USP16: variants seen among roughly 807,000 people sequenced by gnomAD.
The protein encoded by USP16 is ubiquitin specific peptidase 16, also known as ubiquitin carboxyl-terminal hydrolase 16.
Under a neutral mutation model 95.9 loss-of-function variants are expected in USP16, and 77 were observed. The ratio of observed to expected loss-of-function variants is 0.80; its 90% CI spans 0.67 to 0.97. The LOEUF is 0.97. Ranked by LOEUF, USP16 falls within the 50% of genes least tolerant of loss-of-function variation. USP16 has a pLI of 0.00. For synonymous variants in USP16, 303 were observed against 318.2 expected, an observed-to-expected ratio of 0.95 and a Z score of 0.51; for missense variants, 943 against 959.9, an observed-to-expected ratio of 0.98 and a Z score of 0.23.
chr21:29,047,266 G>A lies in USP16; in HGVS notation c.1956G>A (p.Leu652=), dbSNP rs143073929. ...RNEKLRDANK[L]LCEVCTRRQC... Reference sequence around the variant, plus strand: ...AGAAACTTCGAGATGCGAATAAACTGCTTTGTGAAGTATGCACACGGAGAC... The same window carrying A: ...AGAAACTTCGAGATGCGAATAAACTACTTTGTGAAGTATGCACACGGAGAC... The change falls in exon 14 of 18, where the codon CTG becomes CTA. Residue 652 remains leucine, a synonymous_variant. Coordinates refer to ENST00000399976, the MANE Select transcript of USP16 (RefSeq NM_006447.3). The A allele has an allele frequency of 2.5e-6, 4 of 1,613,972 alleles. No homozygotes were observed. The highest frequency in any genetic ancestry group is 3.4e-6 in the Non-Finnish European group (4 of 1,180,010).
chr21:29,053,752 C>T lies in USP16; in HGVS notation c.2194-50C>T, dbSNP rs746175862. On this transcript the variant is annotated intron_variant, in intron 16 of 17. Transcript: ENST00000399976. Reference sequence around the variant, plus strand: ...TGTAAACTTGTCTTGCCCATGACATCTGTGTAAATGGAACTAGAACTAACT... The same window carrying T: ...TGTAAACTTGTCTTGCCCATGACATTTGTGTAAATGGAACTAGAACTAACT... 7 of 1,577,112 alleles carry T rather than the reference C, an allele frequency of 4.4e-6. No individual in the cohort carries two copies. The African/African-American group carries it at 8.1e-5, about 18-fold the overall frequency.
intron 3 of USP16, among the ~76,000 whole-genome samples, chr21:29,033,087 G>T (rs1321049407): frequency 2.0e-5 from 3 of 152,022 alleles, no homozygotes; most frequent in Non-Finnish European, 2.9e-5. Context: ...AATACATATG[G>T]TGAGTATGAA....
At position 29,043,650 on chromosome 21, in the gene USP16, AT is replaced by A. The variant is rs1261634434; in HGVS notation, c.1356+53del. ...TGCTTGTAATTTTATATTTTGAGCTATTGAGTTTGTAGTCTGAATGACATTG... is the reference window on the plus strand; with the variant it reads ...TGCTTGTAATTTTATATTTTGAGCTATGAGTTTGTAGTCTGAATGACATTG... On this transcript the variant is annotated intron_variant, in intron 13 of 17. Coordinates refer to ENST00000399976, the MANE Select transcript of USP16 (RefSeq NM_006447.3). 4.2e-6 allele frequency: 6 copies of A among 1,436,698 alleles called. No homozygotes were observed. In the African/African-American group the frequency reaches 8.7e-5, roughly 21 times the overall value. 89.0% of individuals were successfully genotyped at this position (1,436,698 alleles called of 1,614,324 possible).
rs1267470112 is a variant in USP16, at chr21:29,039,542, G to GATGGGATGAGAGC, written c.927_939dup (p.Glu314TrpfsTer12). On this transcript the variant is annotated frameshift_variant, in exon 9 of 18. Coordinates refer to ENST00000399976, the MANE Select transcript of USP16 (RefSeq NM_006447.3). LOFTEE classifies it high-confidence loss of function. ...CCAGGAGCTGCTTCGCTACTTATTG[G>GATGGGATGAGAGC]ATGGGATGAGAGCAGAAGAACACCA... 6.2e-7 allele frequency: 1 copy of GATGGGATGAGAGC among 1,613,194 alleles called. No individual in the cohort carries two copies. Among genetic ancestry groups the GATGGGATGAGAGC allele is most frequent in the Admixed American group, 1.7e-5 (1 of 60,000 alleles).
intron 2 of USP16, 93 bp downstream of exon 2, chr21:29,028,067 T>C (rs1026648504): frequency 2.0e-5 from 18 of 913,134 alleles, no homozygotes; most frequent in South Asian, 3.1e-5. Flanking sequence ...ATTATTGTTA[T>C]ATTATCTGCA....
chr21:29,041,620 T>C (rs574785103), intron 10 of USP16, among the ~76,000 whole-genome samples: 36 of 152,266 alleles, frequency 2.4e-4, no homozygotes, highest in African/African-American at 7.2e-4. Context: ...TTATCAGTCT[T>C]GAATGTTAGA....
At chr21:29,039,411 G>A (rs1231351634) in intron 8 of USP16, 70 bp from the exon 9 acceptor site, 16 of 1,523,242 alleles carry the variant, frequency 1.1e-5, no homozygotes, top group Non-Finnish European at 1.4e-5. Flanking sequence ...ATGATCCTAA[G>A]ATTTTCTAAA....
intron 12 of USP16, 50 bp from the exon 13 acceptor site, chr21:29,043,373 A>G (rs901941064): frequency 7.8e-7 from 1 of 1,277,874 alleles, no homozygotes; most frequent in Non-Finnish European, 1.0e-6. Context: ...TTTTTCACCA[A>G]ATGGTAGTTG....
intron 16 of USP16, chr21:29,052,280 AAAGATATACTGGAC>A (rs1405206257): frequency 1.3e-5 from 2 of 152,240 alleles, no homozygotes; most frequent in East Asian, 1.9e-4. Flanking sequence ...TGCTGCTGAT[AAAGATATACTGGAC>A]AAGATATACT....
chr21:29,038,390 G>T lies in USP16; in HGVS notation c.692G>T (p.Gly231Val). 6.2e-7 allele frequency: 1 copy of T among 1,612,574 alleles called. No homozygotes were observed. Among genetic ancestry groups the T allele is most frequent in the Non-Finnish European group, 8.5e-7 (1 of 1,179,080 alleles). The part of the protein sequence containing the change: ...RELLKEVKMS[G>V]TIVKIEPPDL... ...CTACTAAAAGAAGTGAAAATGTCTG[G>T]AACAATTGTAAAAATTGAACCACCT... The change falls in exon 7 of 18, where the codon GGA becomes GTA. Residue 231 changes from glycine (G) to valine (V), a missense_variant. By Grantham distance (109) the Gly-to-Val change is moderately radical. Transcript: ENST00000399976.
chr21:29,029,385 C>T (rs2085045138), intron 2 of USP16, among the ~76,000 whole-genome samples: 1 of 152,108 alleles, frequency 6.6e-6, no homozygotes, highest in African/African-American at 2.4e-5. Flanking sequence ...TGCACTCCAG[C>T]CTGGGCAACA....
At chr21:29,029,735 G>A (rs1019933251) in intron 2 of USP16, among the ~76,000 whole-genome samples, 2 of 152,142 alleles carry the variant, frequency 1.3e-5, no homozygotes, top group Admixed American at 1.3e-4. Flanking sequence ...ACTTTCACAT[G>A]TTTTTGTTCT....
chr21:29,048,056 T>TGTGTGTGC (rs1157612773), intron 14 of USP16, among the ~76,000 whole-genome samples: 2 of 122,346 alleles, frequency 1.6e-5, no homozygotes, highest in African/African-American at 6.9e-5. Flanking sequence ...TACGTGTGTG[T>TGTGTGTGC]GTGTGTGTGT....
chr21:29,037,196 C>T (rs1348795400), intron 5 of USP16, 80 bp from the exon 6 acceptor site: 2 of 925,154 alleles, frequency 2.2e-6, no homozygotes, highest in African/African-American at 1.7e-5. Flanking sequence ...CTCACAAACT[C>T]TAGTACTGTT....
intron 10 of USP16, among the ~76,000 whole-genome samples, chr21:29,040,899 G>A (rs1419592065): frequency 6.6e-6 from 1 of 152,146 alleles, no homozygotes; most frequent in Non-Finnish European, 1.5e-5. Flanking sequence ...GAACTATGAT[G>A]AATTACAGTT....
intron 16 of USP16, 177 bp from the exon 17 acceptor site, chr21:29,053,625 A>G (rs1314817572): frequency 1.8e-6 from 1 of 564,200 alleles, no homozygotes; most frequent in Non-Finnish European, 2.9e-6. Context: ...AATTTATAAT[A>G]AAAACAGAAG....
intron 6 of USP16, among the ~76,000 whole-genome samples, 165 bp from the exon 7 acceptor site, chr21:29,038,170 C>T (rs906692915): frequency 6.6e-6 from 1 of 152,044 alleles, no homozygotes; most frequent in Admixed American, 6.6e-5. Context: ...TAGTTATGAC[C>T]CAAATAGAGT....
At chr21:29,047,558 A>T (rs2085345593) in intron 14 of USP16, among the ~76,000 whole-genome samples, 1 of 152,146 alleles carries the variant, frequency 6.6e-6, no homozygotes, top group South Asian at 2.1e-4. Flanking sequence ...CCTGTGGGTA[A>T]ATTATCCCCT....
chr21:29,040,184 T>G (rs1018441411), intron 9 of USP16, among the ~76,000 whole-genome samples: 3 of 152,206 alleles, frequency 2.0e-5, no homozygotes, highest in African/African-American at 7.2e-5. Flanking sequence ...TTTTTTCCTA[T>G]TCCATAGATT....
Sources: gnomAD v4.1 joint callset for allele counts (sites outside exome capture counted in the v4.1 genomes callset) on GRCh38, gnomAD v4.1.1 for gene constraint, MANE v1.5 for transcripts, NCBI Gene and HGNC (gene_info 2026-07-23, HGNC 2026-07-21) for gene names.